The following KIAA1217 variants were observed in gnomAD, a reference collection of about 807,000 sequenced individuals.
The protein encoded by KIAA1217 is sickle tail protein homolog.
KIAA1217 carries 88 observed loss-of-function variants against 163.9 expected under a neutral mutation model. The ratio of observed to expected loss-of-function variants is 0.54; its 90% CI spans 0.45 to 0.64. The LOEUF (loss-of-function observed/expected upper bound fraction) is 0.64, where lower values mean the gene tolerates loss of function less well. Ranked by LOEUF, KIAA1217 falls within the 30% of genes least tolerant of loss-of-function variation. KIAA1217 has a pLI of 0.00. For synonymous variants in KIAA1217, 903 were observed against 923.1 expected (o/e 0.98, Z 0.39); for missense variants, 2,372 against 2,475.0 (o/e 0.96, Z 0.88).
chr10:24,468,772 G>A (rs537191108), intron 5 of KIAA1217, among the ~76,000 whole-genome samples: 2 of 152,220 alleles, frequency 1.3e-5, no homozygotes, highest in East Asian at 1.9e-4. Context: ...AAAATATTTC[G>A]ACTATCACTG....
At chr10:23,715,184 C>T (rs1370646544) in intron 1 of KIAA1217, among the ~76,000 whole-genome samples, 1 of 152,198 alleles carries the variant, frequency 6.6e-6, no homozygotes, top group Non-Finnish European at 1.5e-5. Context: ...CCTCCTCTTA[C>T]TCCATGGTGA....
At chr10:24,084,756 TGA>T in intron 2 of KIAA1217, among the ~76,000 whole-genome samples, 1 of 151,988 alleles carries the variant, frequency 6.6e-6, no homozygotes, top group South Asian at 2.1e-4. Flanking sequence ...AAAAAGTAAT[TGA>T]GAGAGAAGTA....
chr10:24,017,040 G>GTTTTTTTTTTTTTTTTT (rs35042335), intron 2 of KIAA1217, among the ~76,000 whole-genome samples: 14 of 130,240 alleles, frequency 1.1e-4, no homozygotes, highest in East Asian at 2.5e-4. Context: ...TAGTTTTTTT[G>GTTTTTTTTTTTTTTTTT]TTTTTTTTTT....
intron 12 of KIAA1217, among the ~76,000 whole-genome samples, chr10:24,523,662 C>G (rs1359417799): frequency 6.7e-6 from 1 of 148,504 alleles, no homozygotes; most frequent in Non-Finnish European, 1.5e-5. Context: ...TTCATCACTC[C>G]ATTTTATGCA....
chr10:23,952,742 T>C (rs1408187636), intron 1 of KIAA1217, among the ~76,000 whole-genome samples: 1 of 152,244 alleles, frequency 6.6e-6, no homozygotes, highest in Non-Finnish European at 1.5e-5. Context: ...GAGATGTATG[T>C]CAACATACTT....
At chr10:24,489,079 T>C (rs1325014008) in intron 6 of KIAA1217, among the ~76,000 whole-genome samples, 2 of 151,804 alleles carry the variant, frequency 1.3e-5, no homozygotes, top group Non-Finnish European at 2.9e-5. Flanking sequence ...AAGAAAAAAA[T>C]TGCAAAATTT....
intron 6 of KIAA1217, among the ~76,000 whole-genome samples, chr10:24,484,345 A>T (rs2065120821): frequency 2.0e-5 from 3 of 148,244 alleles, no homozygotes; most frequent in Non-Finnish European, 4.5e-5. Flanking sequence ...CCCGGGTTCA[A>T]ACAATTCTCC....
intron 2 of KIAA1217, among the ~76,000 whole-genome samples, chr10:24,168,259 G>T (rs943544786): frequency 6.6e-6 from 1 of 152,134 alleles, no homozygotes; most frequent in Non-Finnish European, 1.5e-5. Flanking sequence ...GGTCATAGAG[G>T]TATAGGTGTA....
chr10:24,105,618 T>A (rs749582442), intron 2 of KIAA1217, among the ~76,000 whole-genome samples: 2 of 152,240 alleles, frequency 1.3e-5, no homozygotes, highest in Non-Finnish European at 2.9e-5. Flanking sequence ...GCTGCAGTTC[T>A]GCTGTCTCCC....
At chr10:23,850,114 C>A (rs1477340395) in intron 1 of KIAA1217, among the ~76,000 whole-genome samples, 1 of 151,954 alleles carries the variant, frequency 6.6e-6, no homozygotes, top group East Asian at 1.9e-4. Flanking sequence ...AGAGTCCATC[C>A]CATTAAAGAG....
At chr10:24,096,797 G>GC (rs2062180595) in intron 2 of KIAA1217, among the ~76,000 whole-genome samples, 2 of 152,074 alleles carry the variant, frequency 1.3e-5, no homozygotes, top group South Asian at 2.1e-4. Context: ...CTTATTACAT[G>GC]CTTTCATAGT....
chr10:23,750,047 G>T (rs1839650001), intron 1 of KIAA1217, among the ~76,000 whole-genome samples: 1 of 150,830 alleles, frequency 6.6e-6, no homozygotes, highest in Admixed American at 6.6e-5. Context: ...CACGTATCTT[G>T]ATTCTGTTTT....
intron 14 of KIAA1217, among the ~76,000 whole-genome samples, chr10:24,531,578 C>T (rs148997050): frequency 6.9e-4 from 105 of 152,224 alleles, no homozygotes; most frequent in African/African-American, 2.5e-3. Context: ...TATGACACCC[C>T]AGAGGAAAGT....
intron 1 of KIAA1217, among the ~76,000 whole-genome samples, chr10:23,999,263 GC>G (rs1351909761): frequency 1.3e-5 from 2 of 152,202 alleles, no homozygotes; most frequent in Admixed American, 1.3e-4. Flanking sequence ...CTGTGTGTTT[GC>G]CCCAGGGAGG....
rs368449710 is a variant in KIAA1217, at chr10:24,064,311, A to G, written c.-171+56937A>G. On this transcript the variant is annotated intron_variant, in intron 2 of 18. Coordinates refer to the KIAA1217 transcript ENST00000376462. ...GATAGCTCTTATTATTTTGAGATAC[A>G]TCCCATCAATACCTAATTTATTGAG... 5.1e-4 allele frequency among the ~76,000 whole-genome samples: 77 copies of G among 152,264 alleles called. 1 individual carries two copies. In the East Asian group the frequency reaches 0.014, roughly 27 times the overall value.
intron 1 of KIAA1217, among the ~76,000 whole-genome samples, chr10:23,902,162 A>G (rs1044356441): frequency 6.6e-6 from 1 of 151,852 alleles, no homozygotes; most frequent in Admixed American, 6.6e-5. Context: ...AAAGAGTTGT[A>G]TTTTTCCCGT....
At chr10:24,466,971 A>G (rs1295039408) in intron 5 of KIAA1217, among the ~76,000 whole-genome samples, 1 of 152,134 alleles carries the variant, frequency 6.6e-6, no homozygotes, top group Non-Finnish European at 1.5e-5. Context: ...CAATATATAT[A>G]TATATAAATG....
intron 1 of KIAA1217, among the ~76,000 whole-genome samples, chr10:23,864,058 A>C (rs1215937693): frequency 6.7e-6 from 1 of 148,380 alleles, no homozygotes; most frequent in African/African-American, 2.6e-5. Flanking sequence ...TACTCACAAA[A>C]ACCTTGTAAA....
chr10:24,537,436 G>A (rs931664382), intron 17 of KIAA1217, among the ~76,000 whole-genome samples: 3 of 152,012 alleles, frequency 2.0e-5, no homozygotes, highest in Non-Finnish European at 4.4e-5. Flanking sequence ...AATTAGCTGG[G>A]TGTGGAGGTG....
Sources: gnomAD v4.1 joint callset for allele counts (sites outside exome capture counted in the v4.1 genomes callset) on GRCh38, gnomAD v4.1.1 for gene constraint, MANE v1.5 for transcripts, NCBI Gene and HGNC (gene_info 2026-07-23, HGNC 2026-07-21) for gene names.